RNF31: variants seen among roughly 807,000 people sequenced by gnomAD.
RNF31 encodes the protein ring finger protein 31, also known as E3 ubiquitin-protein ligase RNF31.
Under a neutral mutation model 133.6 loss-of-function variants are expected in RNF31, and 38 were observed. The observed-to-expected ratio is 0.28, with a 90% CI of 0.22 to 0.37. The LOEUF is 0.37. RNF31 is among the 10% of genes least tolerant of loss of function. The pLI is 1.00. For missense variants in RNF31, 1,118 were observed against 1,394.1 expected (o/e 0.80, Z 3.15); for synonymous variants, 582 against 552.3 (o/e 1.05, Z -0.75).
chr14:24,158,298 C>A, intron 18 of RNF31, 99 bp downstream of exon 18: 1 of 1,170,944 alleles, frequency 8.5e-7, no homozygotes, highest in Non-Finnish European at 1.2e-6. Context: ...TCACTTGTTG[C>A]ATGCCCTTTG....
At chr14:24,146,960 A>T, upstream of RNF31, 1 of 290,580 alleles carries the variant, frequency 3.4e-6, no homozygotes, top group Non-Finnish European at 6.6e-6. Context: ...GGGCTCCCCC[A>T]AGAAGGCTCG....
At chr14:24,159,529 AAAAG>A (rs1042228248) in intron 18 of RNF31, among the ~76,000 whole-genome samples, 2 of 151,688 alleles carry the variant, frequency 1.3e-5, no homozygotes, top group African/African-American at 4.8e-5. Context: ...AAAAATAAAA[AAAAG>A]AGGTAAGATC....
intron 11 of RNF31, 81 bp downstream of exon 11, chr14:24,152,073 A>G: frequency 7.1e-7 from 1 of 1,404,516 alleles, no homozygotes; most frequent in Non-Finnish European, 9.7e-7. Context: ...TCCATCTCTG[A>G]TCCTGTCTTC....
Position 24,155,127 on chromosome 14 carries a change from C to A in RNF31, c.2131-30C>A. The A allele has an allele frequency of 6.2e-7, 1 of 1,603,972 alleles. No individual in the cohort carries two copies. The highest frequency in any genetic ancestry group is 8.5e-7 in the Non-Finnish European group (1 of 1,172,442). On this transcript the variant is annotated intron_variant, in intron 11 of 20. Transcript: ENST00000324103. This position sits in a 1 kb window ranked among gnomAD's most constrained non-coding sequence, Gnocchi z 4.9. ...CTAGCCTGGCAGCTGTGGCTTCTGA[C>A]CCCCTCCCCTCCAACCCCTCACCCT...
Position 24,154,417 on chromosome 14 carries a change from C to G in RNF31, c.2131-740C>G, listed in dbSNP as rs572610365. 3.3e-5 allele frequency among the ~76,000 whole-genome samples: 5 copies of G among 152,290 alleles called. No individual in the cohort carries two copies. The South Asian group carries it at 1.0e-3, about 32-fold the overall frequency. The stretch of plus-strand genomic sequence containing the variant: ...TCAGCCTCCCAAAGTGCTGGGATTA[C>G]AGGCATAAGCCATGGTGCCTGGCCT... On this transcript the variant is annotated intron_variant, in intron 11 of 20. Transcript: ENST00000324103.
chr14:24,151,193 T>C lies in RNF31; in HGVS notation c.1551T>C (p.Thr517=). 1 of 1,614,148 alleles carries C rather than the reference T, an allele frequency of 6.2e-7. No homozygotes were observed. The highest frequency in any genetic ancestry group is 8.5e-7 in the Non-Finnish European group (1 of 1,180,018). Reference sequence around the variant, plus strand: ...TCTCGGCTCTGCAGTACTCGGGCACTGAGGTGCCTCTGCAGTGGTTGCGCT... The same window carrying C: ...TCTCGGCTCTGCAGTACTCGGGCACCGAGGTGCCTCTGCAGTGGTTGCGCT... The part of the protein sequence containing the change: ...EIFSALQYSG[T]EVPLQWLRSE... The change falls in exon 9 of 21, where the codon ACT becomes ACC. Residue 517 remains threonine (T), a synonymous_variant. Coordinates refer to ENST00000324103, the MANE Select transcript of RNF31 (RefSeq NM_017999.5). The surrounding 1 kb of genome is among the most constrained non-coding windows in gnomAD (Gnocchi z 5.3).
Position 24,149,428 on chromosome 14 carries a change from C to T in RNF31, c.654C>T (p.Phe218=), listed in dbSNP as rs1002753537. Residue 218 remains phenylalanine, a synonymous_variant, in exon 6 of 21, where the codon TTC becomes TTT. Coordinates refer to ENST00000324103, the MANE Select transcript of RNF31 (RefSeq NM_017999.5). ...SVPGSTPGPC[F]LCGSAPGTLH... is the part of the protein sequence containing the mutation. ...CAGGCTCCACTCCTGGTCCCTGCTTCCTCTGTGGTTCTGCCCCAGGCACAC... is the reference window on the plus strand; with the variant it reads ...CAGGCTCCACTCCTGGTCCCTGCTTTCTCTGTGGTTCTGCCCCAGGCACAC... 6.2e-7 allele frequency: 1 copy of T among 1,614,036 alleles called. No homozygotes were observed. Among genetic ancestry groups the T allele is most frequent in the Admixed American group, 1.7e-5 (1 of 60,002 alleles).
At chr14:24,149,635 A>C in intron 6 of RNF31, 52 bp downstream of exon 6, 3 of 1,549,240 alleles carry the variant, frequency 1.9e-6, no homozygotes, top group Non-Finnish European at 2.6e-6. Context: ...ACTTAAGATC[A>C]CTTGATTATG....
intron 6 of RNF31, 138 bp downstream of exon 6, chr14:24,149,721 T>C (rs1374568043): frequency 1.1e-6 from 1 of 903,378 alleles, no homozygotes; most frequent in African/African-American, 1.7e-5. Flanking sequence ...AAAGAGATAA[T>C]AGACATACAC....
intron 18 of RNF31, among the ~76,000 whole-genome samples, chr14:24,159,165 TGAAACCC>T (rs1444644244): frequency 1.4e-5 from 2 of 146,972 alleles, no homozygotes; most frequent in African/African-American, 2.5e-5. Context: ...GCCAACAAGG[TGAAACCC>T]TGTCTCTACT....
At chr14:24,150,996 T>C (rs887413861) in intron 8 of RNF31, 108 bp downstream of exon 8, 5 of 1,499,970 alleles carry the variant, frequency 3.3e-6, no homozygotes, top group African/African-American at 1.4e-5. Flanking sequence ...AGCAGCTGCC[T>C]GTTACTGAGG....
At position 24,149,258 on chromosome 14, in the gene RNF31, C is replaced by T. The variant is rs181239130; in HGVS notation, c.632-148C>T. 183 of 840,108 alleles carry T rather than the reference C, an allele frequency of 2.2e-4. 1 individual carries two copies. Among genetic ancestry groups the T allele is most frequent in the Admixed American group, 1.2e-3 (40 of 34,608 alleles). The allele number at this position is 840,108 out of a possible 1,614,324, so 52.0% of individuals were successfully genotyped here. A position where few individuals can be genotyped will look rare whatever the true frequency, so the allele number is the denominator to read the frequency against. ...GATTACCTGCATGAGCCACCACGCC[C>T]GGCCTCTTTGTTTTTTAAAAGAGAT... On this transcript the variant is annotated intron_variant, in intron 5 of 20. Coordinates refer to ENST00000324103, the MANE Select transcript of RNF31 (RefSeq NM_017999.5).
rs376897643 is a variant in RNF31 at position 24,155,288 on chromosome 14, T to C, written c.2262T>C (p.Asp754=). The change falls in exon 12 of 21, where the codon GAT becomes GAC. Residue 754 remains aspartate (D), a synonymous_variant. Coordinates refer to ENST00000324103, the MANE Select transcript of RNF31 (RefSeq NM_017999.5). The surrounding 1 kb of genome is among the most constrained non-coding windows in gnomAD (Gnocchi z 4.9). Reference sequence around the variant, plus strand: ...CCTGTGGCCGCCCCGACCTCACCGATGACACACAGTTGCTCAGCTACTTCT... The same window carrying C: ...CCTGTGGCCGCCCCGACCTCACCGACGACACACAGTTGCTCAGCTACTTCT... The part of the protein sequence containing the change: ...CPACGRPDLT[D]DTQLLSYFST... 19 of 1,614,154 alleles carry C rather than the reference T, an allele frequency of 1.2e-5. No individual in the cohort carries two copies. The African/African-American group carries it at 1.2e-4, about 10-fold the overall frequency.
intron 16 of RNF31, 61 bp downstream of exon 16, chr14:24,157,699 C>A: frequency 6.9e-7 from 1 of 1,449,376 alleles, no homozygotes; most frequent in South Asian, 1.1e-5. Flanking sequence ...CTTTGAGAGT[C>A]AGAGGCTATT....
intron 2 of RNF31, 59 bp from the exon 3 acceptor site, chr14:24,148,199 G>C: frequency 6.2e-7 from 1 of 1,613,014 alleles, no homozygotes; most frequent in Admixed American, 1.7e-5. Context: ...AATGGGAAGG[G>C]GTCCAGCCCT....
chr14:24,147,310 G>C (rs1038556018), upstream of RNF31: 2 of 191,770 alleles, frequency 1.0e-5, no homozygotes, highest in Admixed American at 1.2e-4. Flanking sequence ...GGAAGGCGGG[G>C]AAGAGCGCTT....
intron 18 of RNF31, among the ~76,000 whole-genome samples, chr14:24,158,913 G>T (rs1272574625): frequency 1.3e-5 from 2 of 150,804 alleles, no homozygotes; most frequent in African/African-American, 2.4e-5. Flanking sequence ...GGCGCCTGTA[G>T]TCCCAGCTAC....
In RNF31 at chr14:24,147,549, G is replaced by C. The variant is rs2038186776; in HGVS notation, c.-150G>C. 2 of 589,584 alleles carry C rather than the reference G, an allele frequency of 3.4e-6. No individual in the cohort carries two copies. The highest frequency in any genetic ancestry group is 4.3e-5 in the Admixed American group (1 of 23,176). 36.5% of individuals were successfully genotyped at this position (589,584 alleles called of 1,614,324 possible). On this transcript the variant is annotated 5_prime_UTR_variant, in exon 1 of 21. Coordinates refer to ENST00000324103, the MANE Select transcript of RNF31 (RefSeq NM_017999.5). ...CTGGCGCTGGGCCGGGGGCTGGAGAGTGACCGTGGTCTGAGTGACCTGGGG... is the reference window on the plus strand; with the variant it reads ...CTGGCGCTGGGCCGGGGGCTGGAGACTGACCGTGGTCTGAGTGACCTGGGG...
At position 24,148,380 on chromosome 14, in the gene RNF31, G is replaced by A. The variant is rs2038206484; in HGVS notation, c.462G>A (p.Leu154=). The A allele has an allele frequency of 6.2e-7, 1 of 1,614,076 alleles. No homozygotes were observed. Among genetic ancestry groups the A allele is most frequent in the Admixed American group, 1.7e-5 (1 of 60,012 alleles). ...TTGCTACAGTCACACTGGAAGTACT[G>A]CTGCTTCGGACAGAGCTCAGCCTGC... The part of the protein sequence containing the change: ...HQVATVTLEV[L]LLRTELSLLL... Residue 154 remains leucine, a synonymous_variant, in exon 3 of 21, where the codon CTG becomes CTA. Transcript: ENST00000324103.
Sources: allele counts gnomAD v4.1 joint callset (sites outside exome capture counted in the v4.1 genomes callset), GRCh38; gene constraint gnomAD v4.1.1; non-coding constraint Gnocchi (gnomAD v3.1); transcripts MANE v1.5; gene names NCBI Gene and HGNC (gene_info 2026-07-23, HGNC 2026-07-21).